CBFA2T2: variants seen among roughly 807,000 people sequenced by gnomAD.
CBFA2T2 encodes the protein CBFA2/RUNX1 partner transcriptional co-repressor 2.
A neutral mutation model predicts 62.2 loss-of-function variants in CBFA2T2; 11 were observed. The ratio of observed to expected loss-of-function variants is 0.18; its 90% CI spans 0.11 to 0.29. The LOEUF is 0.29. Among genes scored for constraint, CBFA2T2 ranks in the 10% least tolerant of loss-of-function variants. CBFA2T2 has a pLI of 1.00. For synonymous variants in CBFA2T2, 295 were observed against 287.5 expected (o/e 1.03, Z -0.27); for missense variants, 592 against 774.1 (o/e 0.76, Z 2.79).
At chr20:33,559,277 G>A (rs147112370) in intron 1 of CBFA2T2, among the ~76,000 whole-genome samples, 53 of 146,400 alleles carry the variant, frequency 3.6e-4, no homozygotes, top group African/African-American at 1.2e-3. Context: ...TGGTTCAAGC[G>A]ATTCTCCTGC....
chr20:33,604,353 A>G (rs2015256395), intron 1 of CBFA2T2, among the ~76,000 whole-genome samples: 1 of 152,100 alleles, frequency 6.6e-6, no homozygotes, highest in African/African-American at 2.4e-5. Flanking sequence ...TCTTACTGTC[A>G]CTCATTTTAC....
At chr20:33,515,801 C>CAAAAAAA (rs61686638) in intron 1 of CBFA2T2, among the ~76,000 whole-genome samples, 2 of 75,162 alleles carry the variant, frequency 2.7e-5, no homozygotes, top group African/African-American at 5.2e-5. Flanking sequence ...GACTCCATCT[C>CAAAAAAA]AAAAAAAAAA....
At chr20:33,590,283 T>G (rs2014562329) in intron 1 of CBFA2T2, among the ~76,000 whole-genome samples, 1 of 151,890 alleles carries the variant, frequency 6.6e-6, no homozygotes. Flanking sequence ...CCTTTTTTCC[T>G]GTGCACAAAC....
intron 1 of CBFA2T2, among the ~76,000 whole-genome samples, chr20:33,554,535 C>T (rs1172851400): frequency 2.0e-5 from 3 of 151,242 alleles, no homozygotes; most frequent in Non-Finnish European, 2.9e-5. Context: ...AGGGGTGAGC[C>T]ACTGCGCCCG....
intron 10 of CBFA2T2, among the ~76,000 whole-genome samples, chr20:33,641,718 G>A (rs2016846636): frequency 6.6e-6 from 1 of 152,160 alleles, no homozygotes; most frequent in Non-Finnish European, 1.5e-5. Context: ...AAGTAGCTTG[G>A]AGTACAGGTG....
intron 9 of CBFA2T2, chr20:33,639,573 C>CA (rs564409493): frequency 0.024 from 2,939 of 124,564 alleles, 196 homozygotes; most frequent in Admixed American, 0.16. Flanking sequence ...GACTCCGTCG[C>CA]AAAAAAAAAA....
At chr20:33,601,390 G>C (rs1272636499) in intron 1 of CBFA2T2, among the ~76,000 whole-genome samples, 1 of 152,056 alleles carries the variant, frequency 6.6e-6, no homozygotes, top group Admixed American at 6.5e-5. Flanking sequence ...TCAGCCTCCT[G>C]AGTAGCTGGG....
At chr20:33,540,151 G>T (rs1790926351) in intron 1 of CBFA2T2, among the ~76,000 whole-genome samples, 1 of 152,168 alleles carries the variant, frequency 6.6e-6, no homozygotes, top group Non-Finnish European at 1.5e-5. Context: ...TGGGAGTTTG[G>T]TAACTATAAA....
chr20:33,538,603 T>C (rs2146876158), intron 1 of CBFA2T2, among the ~76,000 whole-genome samples: 1 of 152,274 alleles, frequency 6.6e-6, no homozygotes, highest in Middle Eastern at 3.4e-3. Context: ...TGACCTCAGG[T>C]AATCCACCCA....
At chr20:33,577,628 T>C (rs1385466737) in intron 1 of CBFA2T2, among the ~76,000 whole-genome samples, 2 of 152,242 alleles carry the variant, frequency 1.3e-5, no homozygotes, top group Admixed American at 6.5e-5. Context: ...TGTGTTTTAT[T>C]AAATTCTTGG....
intron 3 of CBFA2T2, among the ~76,000 whole-genome samples, chr20:33,617,562 A>T (rs1385635974): frequency 6.6e-6 from 1 of 152,122 alleles, no homozygotes; most frequent in Non-Finnish European, 1.5e-5. Context: ...CCACAAGTAT[A>T]CTTAAAATCA....
chr20:33,527,867 GTTTTA>G (rs996519956), intron 1 of CBFA2T2, among the ~76,000 whole-genome samples: 1 of 151,802 alleles, frequency 6.6e-6, no homozygotes. Flanking sequence ...TTTTATGTTT[GTTTTA>G]TTTTCTTTTT....
chr20:33,623,243 G>T lies in CBFA2T2; in HGVS notation c.639G>T (p.Ser213=). The part of the protein sequence containing the change: ...LNTSIASPAD[S]SELLMEVHGN... ...CAAGCATTGCATCGCCTGCTGACTC[G>T]TCAGAGTTGCTCATGGAGGTGCACG... Residue 213 remains serine (S), a synonymous_variant, in exon 5 of 11, where the codon TCG becomes TCT. Transcript: ENST00000342704. 1.2e-6 allele frequency: 2 copies of T among 1,614,206 alleles called. No individual in the cohort carries two copies. Among genetic ancestry groups the T allele is most frequent in the Non-Finnish European group, 1.7e-6 (2 of 1,180,034 alleles).
chr20:33,557,914 CA>C lies in CBFA2T2; in HGVS notation c.35-49040del, dbSNP rs575114947. Among the ~76,000 whole-genome samples the C allele has an allele frequency of 3.2e-4, 48 of 152,140 alleles. No homozygotes were observed. The South Asian group carries it at 9.1e-3, about 29-fold the overall frequency. On this transcript the variant is annotated intron_variant, in intron 1 of 10. Transcript: ENST00000342704. ...GCAGTGGCGCGATCTCGGCTCACCG[CA>C]ACCTCCGCCTACTGGGTTCAAGTGA... is the stretch of plus-strand genomic sequence containing the variant.
At chr20:33,533,881 T>C (rs112939252) in intron 1 of CBFA2T2, among the ~76,000 whole-genome samples, 22,394 of 152,084 alleles carry the variant, frequency 0.15, 2,071 homozygotes, top group East Asian at 0.4. Context: ...AGGGTGAGGC[T>C]GGAGAACCGC....
At chr20:33,606,880 G>A (rs1163685443) in intron 1 of CBFA2T2, 76 bp from the exon 2 acceptor site, 1 of 1,419,202 alleles carries the variant, frequency 7.0e-7, no homozygotes, top group Non-Finnish European at 9.8e-7. Flanking sequence ...AGGGAAGTAT[G>A]TTGGTATTTC....
chr20:33,599,227 A>G (rs1367228611), intron 1 of CBFA2T2, among the ~76,000 whole-genome samples: 1 of 151,724 alleles, frequency 6.6e-6, no homozygotes, highest in South Asian at 2.1e-4. Context: ...GCGCCACTGC[A>G]ATACAGCCTG....
intron 1 of CBFA2T2, among the ~76,000 whole-genome samples, chr20:33,592,397 T>C (rs2014694379): frequency 6.9e-6 from 1 of 145,878 alleles, no homozygotes; most frequent in Non-Finnish European, 1.5e-5. Context: ...TATATAATTA[T>C]GTAAAAATTA....
chr20:33,601,606 C>T (rs1020053078), intron 1 of CBFA2T2, among the ~76,000 whole-genome samples: 2 of 151,368 alleles, frequency 1.3e-5, no homozygotes, highest in African/African-American at 2.5e-5. Context: ...TTAATGGCTT[C>T]CTTGGCCAGC....
Sources: gnomAD v4.1 joint callset for allele counts (sites outside exome capture counted in the v4.1 genomes callset) on GRCh38, gnomAD v4.1.1 for gene constraint, MANE v1.5 for transcripts, NCBI Gene and HGNC (gene_info 2026-07-23, HGNC 2026-07-21) for gene names.